Variants in DOK6 observed in about 807,000 individuals in gnomAD.
DOK6 encodes the protein docking protein 6.
A neutral mutation model predicts 44.0 loss-of-function variants in DOK6; 22 were observed. That is an observed-to-expected ratio of 0.50 (90% confidence interval 0.36 to 0.71). DOK6 has a LOEUF of 0.71. Ranked by LOEUF, DOK6 falls within the 30% of genes least tolerant of loss-of-function variation. The probability of loss-of-function intolerance (pLI) is 0.00; values close to 1 mark genes in which losing one functional copy is unlikely to be tolerated. For missense variants in DOK6, 340 were observed against 416.4 expected, an observed-to-expected ratio of 0.82 and a Z score of 1.60; for synonymous variants, 166 against 145.5, an observed-to-expected ratio of 1.14 and a Z score of -1.01.
intron 2 of DOK6, among the ~76,000 whole-genome samples, chr18:69,574,065 T>C (rs1983181866): frequency 2.6e-5 from 4 of 152,108 alleles, no homozygotes; most frequent in Admixed American, 2.6e-4. Flanking sequence ...CCCTCTTTAT[T>C]GGGGAATTGC....
Position 69,542,413 on chromosome 18 carries a change from T to C in DOK6, c.67-22074T>C, listed in dbSNP as rs1188650869. ...GAAGAAATTAAGATGTTAGTTATTA[T>C]TACTGAAAGTCAAGATTGTTGCTGC... On this transcript the variant is annotated intron_variant, in intron 1 of 7. Transcript: ENST00000382713. 5.9e-5 allele frequency among the ~76,000 whole-genome samples: 9 copies of C among 151,474 alleles called. No individual in the cohort carries two copies. The East Asian group carries it at 1.7e-3, about 29-fold the overall frequency.
At chr18:69,759,728 TATA>T (rs1304839459) in intron 7 of DOK6, among the ~76,000 whole-genome samples, 6 of 152,214 alleles carry the variant, frequency 3.9e-5, no homozygotes, top group South Asian at 2.1e-4. Flanking sequence ...GTTGTATAGA[TATA>T]ATAACTGATT....
At chr18:69,621,243 T>G (rs1984432074) in intron 3 of DOK6, among the ~76,000 whole-genome samples, 1 of 152,198 alleles carries the variant, frequency 6.6e-6, no homozygotes, top group Admixed American at 6.5e-5. Flanking sequence ...AAAGTGACTA[T>G]TTCCGTAAGG....
intron 3 of DOK6, among the ~76,000 whole-genome samples, chr18:69,618,131 A>G (rs528437287): frequency 6.6e-4 from 100 of 152,286 alleles, no homozygotes; most frequent in African/African-American, 2.4e-3. Flanking sequence ...GAGGCATGGG[A>G]AAGATTCTCC....
intron 1 of DOK6, among the ~76,000 whole-genome samples, chr18:69,493,076 T>C (rs1031055270): frequency 6.6e-6 from 1 of 152,158 alleles, no homozygotes; most frequent in Non-Finnish European, 1.5e-5. Flanking sequence ...GATGTCATTG[T>C]ATGACAGTCA....
At chr18:69,818,631 C>T (rs1310588147) in intron 7 of DOK6, among the ~76,000 whole-genome samples, 1 of 152,190 alleles carries the variant, frequency 6.6e-6, no homozygotes, top group Non-Finnish European at 1.5e-5. Context: ...TAATCACCTA[C>T]AAAATACCTT....
chr18:69,489,262 T>G (rs1375051428), intron 1 of DOK6, among the ~76,000 whole-genome samples: 1 of 152,300 alleles, frequency 6.6e-6, no homozygotes, highest in Middle Eastern at 3.4e-3. Flanking sequence ...TTTCAGACTC[T>G]GAAGAAATTG....
At chr18:69,658,484 A>T (rs1985426853) in intron 3 of DOK6, among the ~76,000 whole-genome samples, 1 of 152,214 alleles carries the variant, frequency 6.6e-6, no homozygotes, top group Admixed American at 6.5e-5. Context: ...TAGTATGTTG[A>T]CAATAATTAC....
Position 69,761,861 on chromosome 18 carries a change from C to T in DOK6, c.856+3988C>T, listed in dbSNP as rs924344127. 3.4e-4 allele frequency among the ~76,000 whole-genome samples: 51 copies of T among 152,100 alleles called. 1 individual carries two copies. Among genetic ancestry groups the T allele is most frequent in the Admixed American group, 2.9e-3 (44 of 15,260 alleles). ...TTAGCAGTGGCAGATATCCGAGTTA[C>T]GCAAGTTACCGGCAGCGAATCCATA... On this transcript the variant is annotated intron_variant, in intron 7 of 7. Transcript: ENST00000382713.
chr18:69,577,427 T>C (rs952028683), intron 2 of DOK6, among the ~76,000 whole-genome samples: 19 of 152,194 alleles, frequency 1.2e-4, no homozygotes. Context: ...TTCATTAATG[T>C]ATTCATCCAT....
At chr18:69,687,625 C>T (rs1048651249) in intron 4 of DOK6, among the ~76,000 whole-genome samples, 11 of 151,998 alleles carry the variant, frequency 7.2e-5, no homozygotes, top group African/African-American at 1.7e-4. Context: ...GAGGTTGCAG[C>T]GAGCCACAAT....
intron 1 of DOK6, among the ~76,000 whole-genome samples, chr18:69,474,722 A>G (rs1409868219): frequency 6.6e-6 from 1 of 152,212 alleles, no homozygotes; most frequent in African/African-American, 2.4e-5. Flanking sequence ...AAAATAGTTC[A>G]AAAGGTTTCC....
At chr18:69,529,792 C>G (rs1981933933) in intron 1 of DOK6, among the ~76,000 whole-genome samples, 1 of 152,166 alleles carries the variant, frequency 6.6e-6, no homozygotes, top group South Asian at 2.1e-4. Flanking sequence ...GAACAGTACT[C>G]TTAAACTTCA....
intron 1 of DOK6, among the ~76,000 whole-genome samples, chr18:69,488,506 G>C (rs1259178850): frequency 1.3e-5 from 2 of 152,068 alleles, no homozygotes; most frequent in African/African-American, 4.8e-5. Context: ...AAATACCCAA[G>C]ACTGGGTAAT....
chr18:69,662,729 T>G (rs1367699695), intron 3 of DOK6: 1 of 152,248 alleles, frequency 6.6e-6, no homozygotes, highest in Non-Finnish European at 1.5e-5. Flanking sequence ...AAGATTAATT[T>G]CTTGTGCCAT....
chr18:69,601,735 C>G (rs1225856453), intron 3 of DOK6, among the ~76,000 whole-genome samples: 1 of 152,130 alleles, frequency 6.6e-6, no homozygotes, highest in East Asian at 1.9e-4. Context: ...CACCTAGCAT[C>G]CAGATCTTTC....
chr18:69,698,908 G>A (rs996370212), intron 5 of DOK6, among the ~76,000 whole-genome samples: 1 of 152,102 alleles, frequency 6.6e-6, no homozygotes, highest in African/African-American at 2.4e-5. Flanking sequence ...TATTTTCGGT[G>A]TGCCTGTATG....
intron 3 of DOK6, among the ~76,000 whole-genome samples, chr18:69,644,141 A>C (rs1335253886): frequency 6.6e-6 from 1 of 152,092 alleles, no homozygotes; most frequent in East Asian, 1.9e-4. Flanking sequence ...TTCTTTATAA[A>C]TTCTAGATAT....
chr18:69,814,444 C>T (rs1380317568), intron 7 of DOK6, among the ~76,000 whole-genome samples: 1 of 152,096 alleles, frequency 6.6e-6, no homozygotes, highest in Non-Finnish European at 1.5e-5. Context: ...GATCATCAGG[C>T]ATTAGATTCT....
Sources: allele counts gnomAD v4.1 joint callset (sites outside exome capture counted in the v4.1 genomes callset), GRCh38; gene constraint gnomAD v4.1.1; transcripts MANE v1.5; gene names NCBI Gene and HGNC (gene_info 2026-07-23, HGNC 2026-07-21).